Variants in SMPD3 observed in about 807,000 individuals in gnomAD.
SMPD3 encodes the protein nSMase-2.
SMPD3 carries 21 observed loss-of-function variants against 55.7 expected under a neutral mutation model. That is an observed-to-expected ratio of 0.38 (90% CI 0.27 to 0.54). The LOEUF is 0.54. Ranked by LOEUF, SMPD3 falls within the 20% of genes least tolerant of loss-of-function variation. The pLI is 0.80. For synonymous variants in SMPD3, 457 were observed against 404.3 expected (o/e 1.13, Z -1.56); for missense variants, 842 against 899.6 (o/e 0.94, Z 0.82).
chr16:68,409,890 C>G (rs1353327961), intron 1 of SMPD3, among the ~76,000 whole-genome samples: 1 of 152,242 alleles, frequency 6.6e-6, no homozygotes, highest in African/African-American at 2.4e-5. Flanking sequence ...CCGCGCCCAG[C>G]CAATGATTGG....
intron 3 of SMPD3, chr16:68,369,859 T>A: frequency 6.6e-6 from 1 of 152,240 alleles, no homozygotes; most frequent in East Asian, 1.9e-4. Context: ...GCACCAGTGT[T>A]TCCCTGGGCA....
intron 1 of SMPD3, among the ~76,000 whole-genome samples, chr16:68,430,137 T>C (rs1166302320): frequency 7.7e-6 from 1 of 129,460 alleles, no homozygotes; most frequent in African/African-American, 2.9e-5. Context: ...GAGGAGGTGG[T>C]ACCCAAGGTC....
At chr16:68,445,211 A>G (rs907161251) in intron 1 of SMPD3, among the ~76,000 whole-genome samples, 1 of 152,246 alleles carries the variant, frequency 6.6e-6, no homozygotes, top group Non-Finnish European at 1.5e-5. Context: ...CCTTTGAAAA[A>G]TGTTATTGAC....
intron 1 of SMPD3, among the ~76,000 whole-genome samples, chr16:68,425,075 T>A (rs1160974772): frequency 6.6e-6 from 1 of 152,124 alleles, no homozygotes; most frequent in African/African-American, 2.4e-5. Flanking sequence ...AGAAACCTCC[T>A]CCCAGGAAGA....
chr16:68,433,658 G>A (rs568393609), intron 1 of SMPD3, among the ~76,000 whole-genome samples: 1 of 152,364 alleles, frequency 6.6e-6, no homozygotes, highest in Admixed American at 6.5e-5. Flanking sequence ...TTAGGAGAAT[G>A]CAGTGCCCTG....
chr16:68,361,362 G>C, intron 8 of SMPD3, 55 bp from the exon 9 acceptor site: 1 of 1,539,476 alleles, frequency 6.5e-7, no homozygotes, highest in Non-Finnish European at 8.9e-7. Flanking sequence ...AGGGCATCTT[G>C]CAGGGAGCGG....
rs549717457 is a variant in SMPD3, at chr16:68,427,663, G to A, written c.-269+20690C>T. ...CGGACAGCACAACCCTAGTGCTATG[G>A]GCAGAAGTCAACAAGATGATTCTGG... On this transcript the variant is annotated intron_variant, in intron 1 of 8. Coordinates refer to ENST00000219334, the MANE Select transcript of SMPD3 (RefSeq NM_018667.4). 2.0e-5 allele frequency among the ~76,000 whole-genome samples: 3 copies of A among 152,208 alleles called. No homozygotes were observed. In the South Asian group the frequency reaches 6.2e-4, roughly 32 times the overall value.
chr16:68,407,780 CTT>C (rs1232908738), intron 1 of SMPD3, among the ~76,000 whole-genome samples: 1 of 152,136 alleles, frequency 6.6e-6, no homozygotes, highest in Non-Finnish European at 1.5e-5. Flanking sequence ...TGTGCGAACT[CTT>C]AACTTGCTGA....
At chr16:68,409,201 T>C (rs2090277048) in intron 1 of SMPD3, among the ~76,000 whole-genome samples, 1 of 152,264 alleles carries the variant, frequency 6.6e-6, no homozygotes, top group East Asian at 1.9e-4. Context: ...TCTAAAGCTC[T>C]TTTGTGTTTC....
chr16:68,393,693 C>A (rs1469097757), intron 1 of SMPD3, among the ~76,000 whole-genome samples: 1 of 152,178 alleles, frequency 6.6e-6, no homozygotes, highest in Non-Finnish European at 1.5e-5. Context: ...CTTATTCTTT[C>A]TTTCTTCTTC....
intron 1 of SMPD3, among the ~76,000 whole-genome samples, chr16:68,441,134 A>G (rs1485003973): frequency 6.6e-6 from 1 of 152,222 alleles, no homozygotes; most frequent in Non-Finnish European, 1.5e-5. Flanking sequence ...CTCCAATAGT[A>G]ATAACAATAG....
intron 1 of SMPD3, among the ~76,000 whole-genome samples, chr16:68,396,286 C>G (rs1478016421): frequency 6.6e-6 from 1 of 152,206 alleles, no homozygotes; most frequent in African/African-American, 2.4e-5. Flanking sequence ...AGATCTCCCT[C>G]TACCCCCAGG....
At chr16:68,401,535 C>T (rs2152011860) in intron 1 of SMPD3, among the ~76,000 whole-genome samples, 1 of 152,074 alleles carries the variant, frequency 6.6e-6, no homozygotes. Flanking sequence ...GTCTTTGGAG[C>T]ATGCTTTAGA....
rs116555421 is a variant in SMPD3 at position 68,360,893 on chromosome 16, T to G, written c.*313A>C. 4 of 345,894 alleles carry G rather than the reference T, an allele frequency of 1.2e-5. No homozygotes were observed. In the East Asian group the frequency reaches 1.8e-4, roughly 16 times the overall value. 21.4% of individuals were successfully genotyped at this position (345,894 alleles called of 1,614,324 possible). A position where few individuals can be genotyped will look rare whatever the true frequency, so the allele number is the denominator to read the frequency against. On this transcript the variant is annotated 3_prime_UTR_variant, in exon 9 of 9. Transcript: ENST00000219334. ...GAAGCTTAAGAGGAGATACAGAGAG[T>G]ACACGAACCCGGTCCTCATACTAAC... is the stretch of plus-strand genomic sequence containing the variant.
intron 1 of SMPD3, among the ~76,000 whole-genome samples, chr16:68,421,678 T>A (rs913234938): frequency 3.3e-5 from 5 of 152,238 alleles, no homozygotes; most frequent in African/African-American, 9.6e-5. Flanking sequence ...CTGATACTCA[T>A]AGCTCGGCCT....
intron 1 of SMPD3, among the ~76,000 whole-genome samples, chr16:68,435,955 A>G (rs1329817591): frequency 6.6e-6 from 1 of 152,258 alleles, no homozygotes; most frequent in Non-Finnish European, 1.5e-5. Context: ...CTCTGGAACC[A>G]GAATCTTAGC....
chr16:68,397,955 T>A (rs2090173764), intron 1 of SMPD3, among the ~76,000 whole-genome samples: 1 of 150,540 alleles, frequency 6.6e-6, no homozygotes, highest in Non-Finnish European at 1.5e-5. Flanking sequence ...GGCCAGGGGA[T>A]GACAACCACA....
chr16:68,361,399 G>A (rs1000289546), intron 8 of SMPD3, 92 bp from the exon 9 acceptor site: 74 of 1,437,432 alleles, frequency 5.1e-5, no homozygotes, highest in Middle Eastern at 3.6e-4. Context: ...GTGAGGCCCC[G>A]GGGCTGGGGT....
Position 68,360,242 on chromosome 16 carries a change from AAAG to A in SMPD3, c.*961_*963del, listed in dbSNP as rs1371588968. 2.0e-5 allele frequency: 3 copies of A among 152,602 alleles called. No homozygotes were observed. The highest frequency in any genetic ancestry group is 2.0e-4 in the Admixed American group (3 of 15,308). 9.5% of individuals were successfully genotyped at this position (152,602 alleles called of 1,614,324 possible). On this transcript the variant is annotated 3_prime_UTR_variant, in exon 9 of 9. Coordinates refer to ENST00000219334, the MANE Select transcript of SMPD3 (RefSeq NM_018667.4). ...GTCCCGTGGGGGAGAGGATTGGCAGAAAGAAGAGGATGTGTTGGTTTTGATAGA... is the reference window on the plus strand; with the variant it reads ...GTCCCGTGGGGGAGAGGATTGGCAGAAAGAGGATGTGTTGGTTTTGATAGA...
Sources: gnomAD v4.1 joint callset for allele counts (sites outside exome capture counted in the v4.1 genomes callset) on GRCh38, gnomAD v4.1.1 for gene constraint, MANE v1.5 for transcripts, NCBI Gene and HGNC (gene_info 2026-07-23, HGNC 2026-07-21) for gene names.